The following USH2A variants were observed in gnomAD, a reference collection of about 807,000 sequenced individuals.
USH2A encodes usherin, also known as Usher syndrome 2A (autosomal recessive, mild).
USH2A carries 443 observed loss-of-function variants against 538.9 expected under a neutral mutation model. The observed-to-expected ratio is 0.82, with a 90% CI of 0.76 to 0.89. The LOEUF (loss-of-function observed/expected upper bound fraction) is 0.89. USH2A is among the 40% of genes least tolerant of loss of function. The pLI is 0.00. For missense variants in USH2A, 6,633 were observed against 6,324.8 expected (o/e 1.05, Z -1.65); for synonymous variants, 2,413 against 2,273.5 (o/e 1.06, Z -1.75).
At chr1:216,195,520 C>T (rs2034820723) in intron 19 of USH2A, among the ~76,000 whole-genome samples, 1 of 152,088 alleles carries the variant, frequency 6.6e-6, no homozygotes, top group Admixed American at 6.5e-5. Context: ...GTGGGCAGAA[C>T]TTCAGGCAGT....
chr1:216,229,166 ACT>A (rs1192192782), intron 14 of USH2A, among the ~76,000 whole-genome samples: 1 of 150,882 alleles, frequency 6.6e-6, no homozygotes, highest in East Asian at 2.0e-4. Flanking sequence ...AGAGTGTGAG[ACT>A]CTGTCCAAAA....
At chr1:215,836,702 G>C (rs1663542458) in intron 47 of USH2A, among the ~76,000 whole-genome samples, 1 of 143,548 alleles carries the variant, frequency 7.0e-6, no homozygotes, top group African/African-American at 2.6e-5. Flanking sequence ...GACTACAGGT[G>C]CCCCCCACCA....
chr1:216,108,137 T>A (rs2032782875), intron 21 of USH2A, among the ~76,000 whole-genome samples: 1 of 151,894 alleles, frequency 6.6e-6, no homozygotes. Flanking sequence ...GCCTAAAACT[T>A]TTTTTAGCAC....
At chr1:216,099,042 C>G (rs2032514849) in intron 21 of USH2A, among the ~76,000 whole-genome samples, 1 of 152,136 alleles carries the variant, frequency 6.6e-6, no homozygotes, top group African/African-American at 2.4e-5. Context: ...TGTTCTAAGT[C>G]ATTTTTAGAG....
chr1:216,145,850 C>T (rs572916102), intron 21 of USH2A, among the ~76,000 whole-genome samples: 3 of 152,046 alleles, frequency 2.0e-5, no homozygotes, highest in Non-Finnish European at 4.4e-5. Flanking sequence ...CACCTTGCAA[C>T]CCCCACTCCT....
At chr1:216,214,619 T>C (rs1315313735) in intron 15 of USH2A, among the ~76,000 whole-genome samples, 1 of 152,040 alleles carries the variant, frequency 6.6e-6, no homozygotes, top group Non-Finnish European at 1.5e-5. Context: ...AATTGGATTA[T>C]AGTAATGATT....
chr1:215,799,984 CA>C (rs1662275063), intron 49 of USH2A, among the ~76,000 whole-genome samples: 1 of 151,842 alleles, frequency 6.6e-6, no homozygotes, highest in African/African-American at 2.4e-5. Flanking sequence ...ATCTAAAAAA[CA>C]AAAACAAACA....
intron 49 of USH2A, among the ~76,000 whole-genome samples, chr1:215,809,438 T>C (rs1662596735): frequency 7.0e-6 from 1 of 143,228 alleles, no homozygotes. Context: ...ATTTAGTTAC[T>C]GACAGAAGAA....
At chr1:215,893,612 A>T (rs1424034954) in intron 40 of USH2A, among the ~76,000 whole-genome samples, 2 of 152,204 alleles carry the variant, frequency 1.3e-5, no homozygotes, top group African/African-American at 4.8e-5. Context: ...GGCAGCTATG[A>T]TAAAATTATT....
chr1:215,722,712 T>G (rs1332578690), intron 61 of USH2A, among the ~76,000 whole-genome samples: 1 of 152,200 alleles, frequency 6.6e-6, no homozygotes, highest in Non-Finnish European at 1.5e-5. Context: ...TATAATTTGC[T>G]TATTTCTCAG....
At chr1:215,831,560 G>GA (rs2102809692) in intron 47 of USH2A, among the ~76,000 whole-genome samples, 1 of 152,150 alleles carries the variant, frequency 6.6e-6, no homozygotes, top group Non-Finnish European at 1.5e-5. Context: ...AAACTTATCT[G>GA]AAAAATCCCC....
intron 61 of USH2A, among the ~76,000 whole-genome samples, chr1:215,699,854 A>G (rs1485766252): frequency 1.3e-5 from 2 of 152,154 alleles, no homozygotes; most frequent in Non-Finnish European, 2.9e-5. Context: ...TTGAATAGAA[A>G]TGGTGAGAGA....
intron 21 of USH2A, among the ~76,000 whole-genome samples, chr1:216,136,289 A>T (rs975915349): frequency 1.3e-5 from 2 of 152,198 alleles, no homozygotes; most frequent in Non-Finnish European, 2.9e-5. Context: ...AAATTGTGCA[A>T]TTAATTATGT....
rs201206110 is a variant in USH2A at position 215,782,035 on chromosome 1, C to G, written c.10740+7G>C. On this transcript the variant is annotated splice_region_variant and intron_variant, in intron 54 of 71. Transcript: ENST00000307340. ...CTTTTCCCAGAGTTTAGGCAAACTC[C>G]TCTTACCTTGCTACTGGTGGCACAG... The G allele has an allele frequency of 4.3e-5, 70 of 1,613,758 alleles. No homozygotes were observed. The highest frequency in any genetic ancestry group is 1.4e-5 in the Non-Finnish European group (17 of 1,179,814).
Position 215,766,775 on chromosome 1 carries a change from G to A in USH2A, c.10953C>T (p.Tyr3651=), listed in dbSNP as rs777733968. The change falls in exon 56 of 72, where the codon TAC becomes TAT. Residue 3651 remains tyrosine, a synonymous_variant. Transcript: ENST00000307340. The part of the protein sequence containing the change: ...RQHTVTGLQP[Y]TNYSFTLTAC... Reference sequence around the variant, plus strand: ...CTGTAAGAGTGAAGCTGTAGTTGGTGTATGGCTGGAGACCTAGAAAAAGCA... The same window carrying A: ...CTGTAAGAGTGAAGCTGTAGTTGGTATATGGCTGGAGACCTAGAAAAAGCA... 39 of 1,613,458 alleles carry A rather than the reference G, an allele frequency of 2.4e-5. No individual in the cohort carries two copies. The highest frequency in any genetic ancestry group is 3.2e-5 in the Non-Finnish European group (38 of 1,179,570).
chr1:216,416,018 T>C (rs950653295), intron 3 of USH2A, among the ~76,000 whole-genome samples: 1 of 151,968 alleles, frequency 6.6e-6, no homozygotes, highest in African/African-American at 2.4e-5. Context: ...ATACAAAAAA[T>C]TAGCCAGTGT....
intron 38 of USH2A, among the ~76,000 whole-genome samples, chr1:215,927,193 G>C (rs1666257977): frequency 6.6e-6 from 1 of 151,964 alleles, no homozygotes; most frequent in South Asian, 2.1e-4. Flanking sequence ...CTTTCAGTGA[G>C]GACTTAATAA....
chr1:215,806,231 CTTTA>C (rs1221649168), intron 49 of USH2A, among the ~76,000 whole-genome samples: 4 of 152,032 alleles, frequency 2.6e-5, no homozygotes, highest in Admixed American at 2.0e-4. Flanking sequence ...CAGATTCTGC[CTTTA>C]TTTTTCTTTT....
At chr1:216,378,441 C>T (rs149328402) in intron 3 of USH2A, among the ~76,000 whole-genome samples, 40 of 152,132 alleles carry the variant, frequency 2.6e-4, no homozygotes, top group African/African-American at 8.2e-4. Flanking sequence ...TGACTACTTA[C>T]GAGTTTTCAA....
Sources: gnomAD v4.1 joint callset for allele counts (sites outside exome capture counted in the v4.1 genomes callset) on GRCh38, gnomAD v4.1.1 for gene constraint, MANE v1.5 for transcripts, NCBI Gene and HGNC (gene_info 2026-07-23, HGNC 2026-07-21) for gene names.